The following GPC5 variants were observed in gnomAD, a reference collection of about 807,000 sequenced individuals.
The protein encoded by GPC5 is glypican 5, also known as glypican-5.
In GPC5, 47 loss-of-function variants were observed where a neutral mutation model predicts 53.9. That is an observed-to-expected ratio of 0.87 (90% CI 0.69 to 1.11). GPC5 has a LOEUF of 1.11. GPC5 is among the 50% of genes most tolerant of loss of function. The pLI is 0.00. For missense variants in GPC5, 748 were observed against 713.1 expected (o/e 1.05, Z -0.56); for synonymous variants, 286 against 263.3 (o/e 1.09, Z -0.84).
chr13:92,700,255 A>ATTTTT (rs36058737), intron 7 of GPC5, among the ~76,000 whole-genome samples: 5 of 103,668 alleles, frequency 4.8e-5, no homozygotes, highest in South Asian at 3.1e-4. Flanking sequence ...CAACCCCTGC[A>ATTTTT]TTTTTTTTTT....
chr13:92,811,684 A>T (rs1159050126), intron 7 of GPC5, among the ~76,000 whole-genome samples: 1 of 151,952 alleles, frequency 6.6e-6, no homozygotes, highest in Non-Finnish European at 1.5e-5. Context: ...TACCAAACTC[A>T]AATTCAAGAA....
chr13:92,164,419 A>G (rs1421921648), intron 7 of GPC5, among the ~76,000 whole-genome samples: 1 of 152,178 alleles, frequency 6.6e-6, no homozygotes, highest in African/African-American at 2.4e-5. Context: ...TCCCATGCAA[A>G]TCCAAAATCC....
chr13:91,934,152 T>C (rs1311591912), intron 6 of GPC5, among the ~76,000 whole-genome samples: 2 of 152,050 alleles, frequency 1.3e-5, no homozygotes, highest in African/African-American at 4.8e-5. Context: ...TCATAGCCTA[T>C]GTCAGTATAC....
intron 2 of GPC5, among the ~76,000 whole-genome samples, chr13:91,549,543 G>T (rs2030501321): frequency 1.3e-5 from 2 of 152,042 alleles, no homozygotes; most frequent in South Asian, 4.1e-4. Flanking sequence ...AATATACAAA[G>T]AACTCTTGAG....
intron 7 of GPC5, among the ~76,000 whole-genome samples, chr13:92,671,418 A>T (rs1182047226): frequency 1.3e-5 from 2 of 152,162 alleles, no homozygotes; most frequent in South Asian, 2.1e-4. Flanking sequence ...CCATCTATCC[A>T]TTACTCCAAA....
At chr13:91,551,994 A>G (rs945162144) in intron 2 of GPC5, among the ~76,000 whole-genome samples, 31 of 152,154 alleles carry the variant, frequency 2.0e-4, no homozygotes, top group Admixed American at 1.6e-3. Context: ...AAGGATCAAG[A>G]CAAATATTAA....
At position 92,738,778 on chromosome 13, in the gene GPC5, C is replaced by T. The variant is rs962463977; in HGVS notation, c.1562-127504C>T. On this transcript the variant is annotated intron_variant, in intron 7 of 7. Transcript: ENST00000377067. ...AGACCAAAAATTCTGTAGGATTTTCCGTGAAAAAGGTTTACATGGTTCAGT... is the reference window on the plus strand; with the variant it reads ...AGACCAAAAATTCTGTAGGATTTTCTGTGAAAAAGGTTTACATGGTTCAGT... Among the ~76,000 whole-genome samples, 11 of 151,894 alleles carry T rather than the reference C, an allele frequency of 7.2e-5. 1 individual carries two copies. The highest frequency in any genetic ancestry group is 2.1e-4 in the South Asian group (1 of 4,818).
intron 4 of GPC5, among the ~76,000 whole-genome samples, chr13:91,753,463 T>C (rs1021510827): frequency 2.0e-5 from 3 of 152,154 alleles, no homozygotes; most frequent in Non-Finnish European, 4.4e-5. Flanking sequence ...TTCAAATCTT[T>C]CACTTGTTTT....
At chr13:92,741,699 T>G (rs1322827200) in intron 7 of GPC5, among the ~76,000 whole-genome samples, 2 of 152,096 alleles carry the variant, frequency 1.3e-5, no homozygotes, top group Admixed American at 6.6e-5. Context: ...AACTCGTCAT[T>G]TACATTAGGT....
chr13:92,264,173 T>C (rs1381327829), intron 7 of GPC5, among the ~76,000 whole-genome samples: 2 of 152,114 alleles, frequency 1.3e-5, no homozygotes, highest in African/African-American at 4.8e-5. Flanking sequence ...GATATTCCCT[T>C]TTGTATGCTA....
intron 7 of GPC5, among the ~76,000 whole-genome samples, chr13:92,395,461 T>C (rs556571811): frequency 9.8e-5 from 15 of 152,290 alleles, no homozygotes; most frequent in Admixed American, 2.0e-4. Flanking sequence ...AGTTACCCAA[T>C]ACACTGTCTT....
chr13:91,775,713 A>T (rs889423865), intron 5 of GPC5, among the ~76,000 whole-genome samples: 4 of 152,108 alleles, frequency 2.6e-5, no homozygotes, highest in African/African-American at 9.7e-5. Flanking sequence ...GGCATCCCTT[A>T]CACTTGATGT....
Position 92,031,698 on chromosome 13 carries a change from T to TATAAC in GPC5, c.1402-113129_1402-113128insACATA, listed in dbSNP as rs1288332888. Among the ~76,000 whole-genome samples the TATAAC allele has an allele frequency of 1.1e-4, 9 of 85,562 alleles. No homozygotes were observed. In the East Asian group the frequency reaches 2.3e-3, roughly 22 times the overall value. The allele number at this position is 85,562 out of a possible 152,430, so 56.1% of individuals were successfully genotyped here. On this transcript the variant is annotated intron_variant, in intron 6 of 7. Coordinates refer to ENST00000377067, the MANE Select transcript of GPC5 (RefSeq NM_004466.6). ...TATAATATATATATAGTATATATAA[T>TATAAC]ATATTATATATATTACATATATGTA...
At chr13:92,519,918 T>G (rs1398858770) in intron 7 of GPC5, among the ~76,000 whole-genome samples, 2 of 151,866 alleles carry the variant, frequency 1.3e-5, no homozygotes, top group African/African-American at 2.4e-5. Context: ...AAGAATCAAA[T>G]AGACGCAATA....
chr13:91,444,115 A>AT (rs1437658484), intron 1 of GPC5, among the ~76,000 whole-genome samples: 1 of 151,988 alleles, frequency 6.6e-6, no homozygotes, highest in Non-Finnish European at 1.5e-5. Context: ...ATTTTTCAAA[A>AT]TTTTTATTTT....
chr13:91,941,085 G>A (rs908892497), intron 6 of GPC5, among the ~76,000 whole-genome samples: 1 of 152,000 alleles, frequency 6.6e-6, no homozygotes, highest in Non-Finnish European at 1.5e-5. Flanking sequence ...ATGTTAAGAA[G>A]GGTATCACGT....
intron 7 of GPC5, among the ~76,000 whole-genome samples, chr13:92,831,026 T>C (rs9584066): frequency 0.14 from 20,631 of 152,154 alleles, 1,546 homozygotes; most frequent in African/African-American, 0.19. Context: ...GTAACTTGTT[T>C]GCTCTAGGTT....
rs1184385268 is a variant in GPC5, at chr13:91,580,375, A to G, written c.326-112812A>G. 2.0e-5 allele frequency among the ~76,000 whole-genome samples: 3 copies of G among 152,336 alleles called. No homozygotes were observed. The East Asian group carries it at 5.8e-4, about 29-fold the overall frequency. ...TTAAAATTTTTTGGTGAAAATAAATATAACAAAATAGATTAAATATTATTA... is the reference window on the plus strand; with the variant it reads ...TTAAAATTTTTTGGTGAAAATAAATGTAACAAAATAGATTAAATATTATTA... On this transcript the variant is annotated intron_variant, in intron 2 of 7. Coordinates refer to ENST00000377067, the MANE Select transcript of GPC5 (RefSeq NM_004466.6).
chr13:92,034,615 C>T (rs2040878781), intron 6 of GPC5, among the ~76,000 whole-genome samples: 1 of 151,994 alleles, frequency 6.6e-6, no homozygotes, highest in Non-Finnish European at 1.5e-5. Flanking sequence ...ACAATGGGGG[C>T]CTCTGAATTG....
Sources: allele counts gnomAD v4.1 joint callset (sites outside exome capture counted in the v4.1 genomes callset), GRCh38; gene constraint gnomAD v4.1.1; transcripts MANE v1.5; gene names NCBI Gene and HGNC (gene_info 2026-07-23, HGNC 2026-07-21).